ANKS1B: variants seen among roughly 807,000 people sequenced by gnomAD.
The protein encoded by ANKS1B is ankyrin repeat and sterile alpha motif domain containing 1B.
Under a neutral mutation model 148.3 loss-of-function variants are expected in ANKS1B, and 36 were observed. The ratio of observed to expected loss-of-function variants is 0.24; its 90% CI spans 0.19 to 0.32. The LOEUF (loss-of-function observed/expected upper bound fraction) is 0.32. Ranked by LOEUF, ANKS1B falls within the 10% of genes least tolerant of loss-of-function variation. The probability of loss-of-function intolerance (pLI) is 1.00; values close to 1 mark genes in which losing one functional copy is unlikely to be tolerated. For synonymous variants in ANKS1B, 542 were observed against 560.8 expected (o/e 0.97, Z 0.47); for missense variants, 1,157 against 1,542.6 (o/e 0.75, Z 4.19).
intron 15 of ANKS1B, among the ~76,000 whole-genome samples, chr12:99,113,478 T>G (rs896677939): frequency 2.0e-5 from 3 of 152,226 alleles, no homozygotes; most frequent in Non-Finnish European, 4.4e-5. Flanking sequence ...TAGGGATACC[T>G]GAAGCAGTGT....
intron 8 of ANKS1B, among the ~76,000 whole-genome samples, chr12:99,692,636 A>G (rs182463919): frequency 6.7e-6 from 1 of 148,894 alleles, no homozygotes; most frequent in East Asian, 2.0e-4. Context: ...GCACCACTGC[A>G]CTCCAGCCTG....
At chr12:99,283,852 A>G (rs929889627) in intron 12 of ANKS1B, among the ~76,000 whole-genome samples, 2 of 152,188 alleles carry the variant, frequency 1.3e-5, no homozygotes, top group Non-Finnish European at 2.9e-5. Context: ...AGCTGAAATA[A>G]TACCCTGCCA....
At chr12:99,474,451 A>G (rs1027113235) in intron 10 of ANKS1B, among the ~76,000 whole-genome samples, 5 of 152,124 alleles carry the variant, frequency 3.3e-5, no homozygotes, top group Non-Finnish European at 7.4e-5. Flanking sequence ...CAGTGGTTAC[A>G]TTAAATATAA....
intron 17 of ANKS1B, among the ~76,000 whole-genome samples, chr12:98,870,493 G>A (rs1241250179): frequency 6.6e-6 from 1 of 152,136 alleles, no homozygotes; most frequent in African/African-American, 2.4e-5. Context: ...TCTTTTCTTT[G>A]CTATTTAAAT....
At chr12:98,785,927 T>C (rs1311722545) in intron 22 of ANKS1B, among the ~76,000 whole-genome samples, 1 of 152,214 alleles carries the variant, frequency 6.6e-6, no homozygotes, top group Non-Finnish European at 1.5e-5. Flanking sequence ...TGTTATCGTT[T>C]TCTTTCGTTT....
At position 99,407,692 on chromosome 12, in the gene ANKS1B, T is replaced by A. The variant is rs1161705955; in HGVS notation, c.1576-7881A>T. Among the ~76,000 whole-genome samples the A allele has an allele frequency of 2.7e-5, 4 of 146,164 alleles. 1 individual carries two copies. Among genetic ancestry groups the A allele is most frequent in the Non-Finnish European group, 6.1e-5 (4 of 66,094 alleles). On this transcript the variant is annotated intron_variant, in intron 11 of 26. Coordinates refer to ENST00000683438, the MANE Select transcript of ANKS1B (RefSeq NM_001352186.2). ...AATCAACATACAAAAACCAGTAGCA[T>A]TTCTATATGCCAACAGTGAATAATC...
intron 1 of ANKS1B, among the ~76,000 whole-genome samples, chr12:99,910,635 TG>T (rs1222877695): frequency 1.3e-5 from 2 of 152,202 alleles, no homozygotes; most frequent in Admixed American, 6.5e-5. Flanking sequence ...ACTGTGGTAG[TG>T]GTTTCACAAC....
intron 8 of ANKS1B, among the ~76,000 whole-genome samples, chr12:99,753,531 G>C (rs1258073384): frequency 6.6e-6 from 1 of 152,064 alleles, no homozygotes; most frequent in Admixed American, 6.6e-5. Flanking sequence ...TTTTGTAGTG[G>C]CTGGTAACAG....
chr12:99,336,476 T>A (rs2088889317), intron 12 of ANKS1B, among the ~76,000 whole-genome samples: 1 of 152,136 alleles, frequency 6.6e-6, no homozygotes, highest in East Asian at 1.9e-4. Flanking sequence ...TTTCAATATT[T>A]TCTTGTAGTA....
chr12:98,863,772 A>G (rs2099611289), intron 17 of ANKS1B, among the ~76,000 whole-genome samples: 1 of 152,242 alleles, frequency 6.6e-6, no homozygotes, highest in Non-Finnish European at 1.5e-5. Flanking sequence ...TGCTAAAGAT[A>G]TAACTAGAGA....
At chr12:99,393,063 G>A (rs538306762) in intron 12 of ANKS1B, among the ~76,000 whole-genome samples, 1 of 151,482 alleles carries the variant, frequency 6.6e-6, no homozygotes, top group African/African-American at 2.4e-5. Flanking sequence ...AAATATATAT[G>A]TAGATAGATT....
intron 12 of ANKS1B, among the ~76,000 whole-genome samples, chr12:99,247,188 A>G (rs1200266208): frequency 6.6e-6 from 1 of 152,138 alleles, no homozygotes; most frequent in East Asian, 1.9e-4. Flanking sequence ...CCAATGAACA[A>G]AATTGGGTTT....
intron 12 of ANKS1B, among the ~76,000 whole-genome samples, chr12:99,377,485 T>A (rs1310473546): frequency 1.3e-5 from 2 of 152,090 alleles, no homozygotes; most frequent in East Asian, 1.9e-4. Context: ...TATAAAAACT[T>A]AAAAAAATAT....
rs556036830 is a variant in ANKS1B, at chr12:98,797,231, G to A, written c.3342+1703C>T. Among the ~76,000 whole-genome samples, 10 of 152,292 alleles carry A rather than the reference G, an allele frequency of 6.6e-5. No homozygotes were observed. In the South Asian group the frequency reaches 2.1e-3, roughly 32 times the overall value. On this transcript the variant is annotated intron_variant, in intron 22 of 26. Transcript: ENST00000683438. Reference sequence around the variant, plus strand: ...AACTCTAAAGTGTATCTAGTCTAATGTTCTCATTTTATATGTAAGAAAACA... The same window carrying A: ...AACTCTAAAGTGTATCTAGTCTAATATTCTCATTTTATATGTAAGAAAACA...
At chr12:99,584,495 G>A (rs1227526560) in intron 9 of ANKS1B, among the ~76,000 whole-genome samples, 3 of 152,104 alleles carry the variant, frequency 2.0e-5, no homozygotes, top group Non-Finnish European at 4.4e-5. Flanking sequence ...ACTACTGGGA[G>A]GCTGAGTTAA....
intron 1 of ANKS1B, among the ~76,000 whole-genome samples, chr12:99,932,759 C>A (rs916057418): frequency 6.6e-6 from 1 of 152,034 alleles, no homozygotes; most frequent in Non-Finnish European, 1.5e-5. Flanking sequence ...TGTGCAGAAG[C>A]TTTTTAACTT....
chr12:99,068,837 T>C (rs2045383350), intron 16 of ANKS1B, among the ~76,000 whole-genome samples: 1 of 152,132 alleles, frequency 6.6e-6, no homozygotes, highest in African/African-American at 2.4e-5. Context: ...AGTGACTCCT[T>C]CAATGTCCTA....
At chr12:99,453,563 A>G (rs1325719285) in intron 10 of ANKS1B, among the ~76,000 whole-genome samples, 2 of 152,212 alleles carry the variant, frequency 1.3e-5, no homozygotes, top group Admixed American at 6.5e-5. Flanking sequence ...GCCCCAGTCA[A>G]GCCTTGAAAA....
At chr12:98,887,299 G>C (rs1596294903) in intron 17 of ANKS1B, among the ~76,000 whole-genome samples, 1 of 152,106 alleles carries the variant, frequency 6.6e-6, no homozygotes, top group Non-Finnish European at 1.5e-5. Flanking sequence ...GGAAGCTTAA[G>C]TTCCAAGGTT....
Sources: gnomAD v4.1 joint callset for allele counts (sites outside exome capture counted in the v4.1 genomes callset) on GRCh38, gnomAD v4.1.1 for gene constraint, MANE v1.5 for transcripts, NCBI Gene and HGNC (gene_info 2026-07-23, HGNC 2026-07-21) for gene names.